Variants in PTPRT observed in about 807,000 individuals in gnomAD.
The protein encoded by PTPRT is protein tyrosine phosphatase receptor type T.
In PTPRT, 56 loss-of-function variants were observed where a neutral mutation model predicts 176.8. The ratio of observed to expected loss-of-function variants is 0.32; its 90% CI spans 0.26 to 0.40. The LOEUF (loss-of-function observed/expected upper bound fraction) is 0.40, where lower values mean the gene tolerates loss of function less well. Among genes scored for constraint, PTPRT ranks in the 10% least tolerant of loss-of-function variants. The probability of loss-of-function intolerance (pLI) is 1.00; values close to 1 mark genes in which losing one functional copy is unlikely to be tolerated. For synonymous variants in PTPRT, 783 were observed against 739.0 expected (o/e 1.06, Z -0.96); for missense variants, 1,540 against 1,908.2 (o/e 0.81, Z 3.60).
chr20:42,891,003 C>A (rs968629449), intron 1 of PTPRT, among the ~76,000 whole-genome samples: 2 of 152,184 alleles, frequency 1.3e-5, no homozygotes, highest in African/African-American at 4.8e-5. Context: ...GTAAGATGTG[C>A]CTTTCACCTT....
chr20:42,540,904 T>TG (rs1040775237), intron 7 of PTPRT, among the ~76,000 whole-genome samples: 1 of 151,870 alleles, frequency 6.6e-6, no homozygotes, highest in African/African-American at 2.4e-5. Context: ...GAGTGATGGG[T>TG]GGGGAGTACA....
At chr20:42,954,164 C>T (rs1981465602) in intron 1 of PTPRT, among the ~76,000 whole-genome samples, 1 of 152,178 alleles carries the variant, frequency 6.6e-6, no homozygotes, top group Non-Finnish European at 1.5e-5. Context: ...CTCAGCGAGA[C>T]TAACTCAGTA....
chr20:42,350,211 C>CTTT (rs2058255414), intron 11 of PTPRT, among the ~76,000 whole-genome samples: 1 of 70,594 alleles, frequency 1.4e-5, no homozygotes, highest in Non-Finnish European at 3.0e-5. Context: ...TAGGATGTTT[C>CTTT]TTGTTTTTTT....
chr20:42,194,926 T>A (rs531678817), intron 16 of PTPRT, among the ~76,000 whole-genome samples: 2 of 152,238 alleles, frequency 1.3e-5, no homozygotes, highest in Admixed American at 6.5e-5. Context: ...AAACACCGCA[T>A]GTTCTCACTC....
At chr20:42,081,824 C>G (rs1983354127) in intron 30 of PTPRT, 58 bp downstream of exon 30, 1 of 1,588,236 alleles carries the variant, frequency 6.3e-7, no homozygotes, top group East Asian at 2.2e-5. Flanking sequence ...GTCATTTTCT[C>G]CAGGTCAAGG....
chr20:43,071,956 G>A (rs1470512823), intron 1 of PTPRT, among the ~76,000 whole-genome samples: 1 of 152,202 alleles, frequency 6.6e-6, no homozygotes, highest in Non-Finnish European at 1.5e-5. Context: ...TTTGCACCCA[G>A]CCTATCTCAG....
At chr20:43,167,565 T>C (rs2014888259) in intron 1 of PTPRT, among the ~76,000 whole-genome samples, 1 of 152,202 alleles carries the variant, frequency 6.6e-6, no homozygotes, top group South Asian at 2.1e-4. Context: ...GCTAGACTAG[T>C]GACTAGCTTC....
At chr20:42,638,225 T>C (rs1191225205) in intron 7 of PTPRT, among the ~76,000 whole-genome samples, 1 of 152,102 alleles carries the variant, frequency 6.6e-6, no homozygotes, top group African/African-American at 2.4e-5. Flanking sequence ...GACAGGTTTG[T>C]TGCCAATTAA....
chr20:42,270,496 A>G (rs1008115145), intron 13 of PTPRT: 2 of 1,535,168 alleles, frequency 1.3e-6, no homozygotes, highest in African/African-American at 2.8e-5. Context: ...TGCAGAAGAG[A>G]AGGAGAGAAA....
intron 2 of PTPRT, among the ~76,000 whole-genome samples, chr20:42,807,042 C>A (rs908978140): frequency 4.6e-5 from 7 of 152,108 alleles, no homozygotes; most frequent in African/African-American, 1.2e-4. Flanking sequence ...ATAATTTTTG[C>A]CCTGTTGTAT....
At chr20:42,399,158 G>T (rs975313595) in intron 9 of PTPRT, among the ~76,000 whole-genome samples, 11 of 152,272 alleles carry the variant, frequency 7.2e-5, no homozygotes, top group African/African-American at 2.7e-4. Context: ...CACAGTCAGT[G>T]TGGATTTAAG....
intron 9 of PTPRT, among the ~76,000 whole-genome samples, chr20:42,426,045 G>A (rs912149848): frequency 2.6e-5 from 4 of 152,228 alleles, no homozygotes; most frequent in Middle Eastern, 3.4e-3. Context: ...TGTATGGTTC[G>A]TGAAAGTTGT....
chr20:43,141,517 C>T (rs759267608), intron 1 of PTPRT, among the ~76,000 whole-genome samples: 1 of 152,172 alleles, frequency 6.6e-6, no homozygotes, highest in Non-Finnish European at 1.5e-5. Flanking sequence ...AGACACAAGT[C>T]CCTTTCAAAC....
chr20:42,978,734 G>T (rs1983103816), intron 1 of PTPRT, among the ~76,000 whole-genome samples: 1 of 152,142 alleles, frequency 6.6e-6, no homozygotes, highest in South Asian at 2.1e-4. Context: ...GGCCACGAGA[G>T]TGACCTCTGG....
chr20:42,668,841 G>C (rs963163040), intron 7 of PTPRT, among the ~76,000 whole-genome samples: 2 of 143,540 alleles, frequency 1.4e-5, no homozygotes, highest in Non-Finnish European at 3.0e-5. Flanking sequence ...ACAGGCGCCC[G>C]CCACCACGCC....
At chr20:42,745,242 T>C (rs532113507) in intron 6 of PTPRT, among the ~76,000 whole-genome samples, 8 of 152,312 alleles carry the variant, frequency 5.3e-5, no homozygotes, top group South Asian at 2.1e-4. Context: ...TTCCCATCCA[T>C]ACAGCTCCAT....
intron 1 of PTPRT, among the ~76,000 whole-genome samples, chr20:42,901,425 A>G (rs1006431344): frequency 1.3e-5 from 2 of 152,198 alleles, no homozygotes; most frequent in African/African-American, 4.8e-5. Flanking sequence ...CCTTCTTTAT[A>G]AACATAAATT....
intron 2 of PTPRT, among the ~76,000 whole-genome samples, chr20:42,872,552 C>A: frequency 6.6e-6 from 1 of 152,204 alleles, no homozygotes; most frequent in East Asian, 1.9e-4. Flanking sequence ...GCTTGACAGA[C>A]AGACGAATGG....
chr20:42,926,450 T>C (rs571615928), intron 1 of PTPRT, among the ~76,000 whole-genome samples: 22 of 152,332 alleles, frequency 1.4e-4, no homozygotes, highest in African/African-American at 5.1e-4. Flanking sequence ...TGCCTTATGT[T>C]TGAAGGAGCT....
Sources: allele counts gnomAD v4.1 joint callset (sites outside exome capture counted in the v4.1 genomes callset), GRCh38; gene constraint gnomAD v4.1.1; transcripts MANE v1.5; gene names NCBI Gene and HGNC (gene_info 2026-07-23, HGNC 2026-07-21).